DOCK3: variants seen among roughly 807,000 people sequenced by gnomAD.
The protein encoded by DOCK3 is dedicator of cytokinesis 3, also known as dedicator of cytokinesis protein 3.
DOCK3 carries 60 observed loss-of-function variants against 265.6 expected under a neutral mutation model. That is an observed-to-expected ratio of 0.23 (90% confidence interval 0.18 to 0.28). The LOEUF is 0.28. DOCK3 is among the 10% of genes least tolerant of loss of function. The probability of loss-of-function intolerance (pLI) is 1.00; values close to 1 mark genes in which losing one functional copy is unlikely to be tolerated. For missense variants in DOCK3, 1,981 were observed against 2,594.3 expected, an observed-to-expected ratio of 0.76 and a Z score of 5.14; for synonymous variants, 881 against 938.0, an observed-to-expected ratio of 0.94 and a Z score of 1.11.
intron 7 of DOCK3, among the ~76,000 whole-genome samples, chr3:51,084,721 A>C (rs1437126421): frequency 6.6e-6 from 1 of 152,208 alleles, no homozygotes; most frequent in Non-Finnish European, 1.5e-5. Flanking sequence ...ATCATAAAAA[A>C]ACCACCAAAT....
chr3:50,685,816 A>T (rs1488836226), intron 1 of DOCK3: 1 of 178,112 alleles, frequency 5.6e-6, no homozygotes, highest in Non-Finnish European at 1.3e-5. Context: ...GGTGGGGTTG[A>T]CGGTGGCTGG....
intron 12 of DOCK3, among the ~76,000 whole-genome samples, chr3:51,207,925 A>C (rs1363397909): frequency 6.6e-6 from 1 of 152,144 alleles, no homozygotes; most frequent in Non-Finnish European, 1.5e-5. Flanking sequence ...GATGACCCTA[A>C]TCTTTTTCCA....
rs906534176 is a variant in DOCK3, at chr3:51,374,249, C to A, written c.5294-220C>A. On this transcript the variant is annotated intron_variant, in intron 49 of 52. Transcript: ENST00000266037. The surrounding 1 kb of genome is among the most constrained non-coding windows in gnomAD (Gnocchi z 4.8). Reference sequence around the variant, plus strand: ...ACTCTGTCAGCGGATCTGCATCTCACCAGCCTGCTGTATGTCAGCCTTGGC... The same window carrying A: ...ACTCTGTCAGCGGATCTGCATCTCAACAGCCTGCTGTATGTCAGCCTTGGC... Among the ~76,000 whole-genome samples the A allele has an allele frequency of 1.2e-4, 19 of 152,180 alleles. No homozygotes were observed. Among genetic ancestry groups the A allele is most frequent in the African/African-American group, 4.1e-4 (17 of 41,434 alleles).
chr3:50,788,068 A>G (rs1380595045), intron 2 of DOCK3: 1 of 751,220 alleles, frequency 1.3e-6, no homozygotes, highest in Non-Finnish European at 2.2e-6. Flanking sequence ...CTTCTGTTTC[A>G]TGGAGATGTA....
In DOCK3 at chr3:50,675,100, T is replaced by G. The variant is rs937341665; in HGVS notation, c.-164T>G. 3.3e-6 allele frequency: 1 copy of G among 304,570 alleles called. No individual in the cohort carries two copies. 18.9% of individuals were successfully genotyped at this position (304,570 alleles called of 1,614,324 possible). On this transcript the variant is annotated 5_prime_UTR_variant, in exon 1 of 53. Coordinates refer to ENST00000266037, the MANE Select transcript of DOCK3 (RefSeq NM_004947.5). The surrounding 1 kb of genome is among the most constrained non-coding windows in gnomAD (Gnocchi z 6.1). ...CCTCGCGGTCCAGACGTGGCGGGGG[T>G]GGCGGCGGCATCCCGGACGGCCTGT...
chr3:50,817,042 GCCCAGAGAGCTGCTGGCAT>G (rs916496909), intron 2 of DOCK3, among the ~76,000 whole-genome samples: 1 of 152,230 alleles, frequency 6.6e-6, no homozygotes, highest in Non-Finnish European at 1.5e-5. Flanking sequence ...AGACTGAGCA[GCCCAGAGAGCTGCTGGCAT>G]TTTTATGGTT....
At chr3:51,119,300 T>G (rs1176140714) in intron 9 of DOCK3, among the ~76,000 whole-genome samples, 1 of 152,216 alleles carries the variant, frequency 6.6e-6, no homozygotes, top group Non-Finnish European at 1.5e-5. Context: ...GCCCCCACTC[T>G]CTTCTGGCTT....
chr3:51,273,884 A>G (rs1177197530), intron 24 of DOCK3, among the ~76,000 whole-genome samples: 1 of 152,252 alleles, frequency 6.6e-6, no homozygotes, highest in Admixed American at 6.5e-5. Flanking sequence ...ACGTAGGAAT[A>G]CAGGGTGCCA....
intron 49 of DOCK3, among the ~76,000 whole-genome samples, chr3:51,365,912 C>T (rs192540065): frequency 1.3e-5 from 2 of 152,294 alleles, no homozygotes; most frequent in Non-Finnish European, 2.9e-5. Flanking sequence ...AGGATTTTTG[C>T]ATTGATGTTC....
chr3:51,271,640 AGGAGTTC>A (rs1163738828), intron 24 of DOCK3, among the ~76,000 whole-genome samples: 1 of 152,214 alleles, frequency 6.6e-6, no homozygotes. Flanking sequence ...ACTTGAGGTC[AGGAGTTC>A]AAGACTAGCC....
chr3:51,334,069 T>C (rs1413547745), intron 35 of DOCK3, among the ~76,000 whole-genome samples: 3 of 151,930 alleles, frequency 2.0e-5, no homozygotes, highest in African/African-American at 7.3e-5. Flanking sequence ...TGGTCTCAAA[T>C]TCCTGGGCTC....
intron 2 of DOCK3, among the ~76,000 whole-genome samples, chr3:50,822,271 T>G (rs972347382): frequency 1.3e-5 from 2 of 152,154 alleles, no homozygotes; most frequent in Non-Finnish European, 2.9e-5. Context: ...TTGTGGCTAT[T>G]GTAAGTGGGA....
chr3:50,858,495 G>A (rs77027002), intron 3 of DOCK3, among the ~76,000 whole-genome samples: 4,556 of 151,814 alleles, frequency 0.03, 562 homozygotes, highest in East Asian at 0.23. Flanking sequence ...CTTCTGGCTT[G>A]TAGGGTTTCA....
At chr3:50,853,688 C>T (rs2046444282) in intron 3 of DOCK3, among the ~76,000 whole-genome samples, 1 of 152,036 alleles carries the variant, frequency 6.6e-6, no homozygotes, top group South Asian at 2.1e-4. Context: ...TATATATAAC[C>T]ACATGTTCTT....
In DOCK3 at chr3:50,974,780, T is replaced by G. The variant is rs1201948016; in HGVS notation, c.315+40703T>G. Among the ~76,000 whole-genome samples the G allele has an allele frequency of 7.0e-3, 992 of 142,284 alleles. 12 individuals carry two copies. The highest frequency in any genetic ancestry group is 8.1e-3 in the Non-Finnish European group (532 of 65,288). 93.3% of individuals were successfully genotyped at this position (142,284 alleles called of 152,430 possible). A position where few individuals can be genotyped will look rare whatever the true frequency, so the allele number is the denominator to read the frequency against. ...ATTCTTCCTACCCATGAGCATGGAA[T>G]GTTCTTCCATTTGTTTGTATCATCT... is the stretch of plus-strand genomic sequence containing the variant. On this transcript the variant is annotated intron_variant, in intron 5 of 52. Coordinates refer to ENST00000266037, the MANE Select transcript of DOCK3 (RefSeq NM_004947.5).
chr3:50,970,894 TATATATATATATATATA>T (rs2077188390), intron 5 of DOCK3, among the ~76,000 whole-genome samples: 1 of 5,664 alleles, frequency 1.8e-4, no homozygotes, highest in African/African-American at 5.5e-4. Flanking sequence ...CTAATTTTTA[TATATATATATATATATA>T]TATATATATA....
At chr3:51,141,259 T>TA (rs1236238157) in intron 9 of DOCK3, among the ~76,000 whole-genome samples, 2 of 149,644 alleles carry the variant, frequency 1.3e-5, no homozygotes, top group African/African-American at 4.9e-5. Flanking sequence ...TAGTTTAAAT[T>TA]AAAAGTCAGA....
At chr3:51,014,376 C>T (rs919975976) in intron 5 of DOCK3, among the ~76,000 whole-genome samples, 2 of 152,096 alleles carry the variant, frequency 1.3e-5, no homozygotes, top group Admixed American at 6.5e-5. Flanking sequence ...TACTCATTCT[C>T]TCTTACATTC....
At chr3:50,988,442 G>A (rs1254338919) in intron 5 of DOCK3, among the ~76,000 whole-genome samples, 1 of 152,114 alleles carries the variant, frequency 6.6e-6, no homozygotes, top group East Asian at 1.9e-4. Context: ...TTGCTGTTTG[G>A]GCTACTTAGC....
Sources: allele counts gnomAD v4.1 joint callset (sites outside exome capture counted in the v4.1 genomes callset), GRCh38; gene constraint gnomAD v4.1.1; non-coding constraint Gnocchi (gnomAD v3.1); transcripts MANE v1.5; gene names NCBI Gene and HGNC (gene_info 2026-07-23, HGNC 2026-07-21).